KIAA1328: variants seen among roughly 807,000 people sequenced by gnomAD.
KIAA1328 encodes the protein KIAA1328.
A neutral mutation model predicts 68.1 loss-of-function variants in KIAA1328; 52 were observed. The ratio of observed to expected loss-of-function variants is 0.76; its 90% CI spans 0.61 to 0.96. KIAA1328 has a LOEUF of 0.96. KIAA1328 is among the 40% of genes least tolerant of loss of function. KIAA1328 has a pLI of 0.00. For missense variants in KIAA1328, 641 were observed against 677.6 expected (o/e 0.95, Z 0.60); for synonymous variants, 232 against 239.4 (o/e 0.97, Z 0.28).
intron 6 of KIAA1328, among the ~76,000 whole-genome samples, chr18:37,005,276 A>C (rs1198399767): frequency 6.6e-6 from 1 of 152,112 alleles, no homozygotes; most frequent in Non-Finnish European, 1.5e-5. Flanking sequence ...CAAAAAACAG[A>C]GGTGGGCAAA....
chr18:37,131,369 T>C (rs2058517192), intron 7 of KIAA1328, among the ~76,000 whole-genome samples: 1 of 152,234 alleles, frequency 6.6e-6, no homozygotes, highest in African/African-American at 2.4e-5. Context: ...GAAGTCAACC[T>C]TGTGGACCAT....
At chr18:37,162,604 C>T (rs1325746564) in intron 8 of KIAA1328, among the ~76,000 whole-genome samples, 1 of 152,144 alleles carries the variant, frequency 6.6e-6, no homozygotes, top group Non-Finnish European at 1.5e-5. Context: ...GACTTGGAAA[C>T]CCTGTTTATC....
intron 7 of KIAA1328, among the ~76,000 whole-genome samples, chr18:37,104,460 A>C (rs571629256): frequency 6.6e-6 from 1 of 152,222 alleles, no homozygotes; most frequent in East Asian, 1.9e-4. Flanking sequence ...AGCTAAAAAA[A>C]GTTGAGGTAG....
downstream of KIAA1328, among the ~76,000 whole-genome samples, chr18:37,228,532 A>G (rs964564634): frequency 3.3e-5 from 5 of 151,734 alleles, no homozygotes; most frequent in Admixed American, 2.6e-4. Context: ...AAAGATTACA[A>G]CCCCCAGCCC....
intron 9 of KIAA1328, among the ~76,000 whole-genome samples, chr18:37,206,952 A>G (rs1195390579): frequency 6.6e-6 from 1 of 152,162 alleles, no homozygotes; most frequent in African/African-American, 2.4e-5. Flanking sequence ...ATTCTTTTCC[A>G]AGCTACATTT....
chr18:37,228,290 C>T (rs1018746503), downstream of KIAA1328, among the ~76,000 whole-genome samples: 6 of 152,072 alleles, frequency 3.9e-5, no homozygotes, highest in East Asian at 1.9e-4. Flanking sequence ...AATAAAGCAG[C>T]GTCGGGGTTT....
intron 9 of KIAA1328, chr18:37,193,820 C>T (rs1286669336): frequency 1.5e-5 from 9 of 586,342 alleles, no homozygotes; most frequent in Non-Finnish European, 2.7e-5. Flanking sequence ...AGTGGGTTTC[C>T]TCACATCTCA....
intron 5 of KIAA1328, among the ~76,000 whole-genome samples, chr18:36,924,452 T>A (rs1198406742): frequency 6.6e-6 from 1 of 152,152 alleles, no homozygotes. Context: ...AGAATCTGAA[T>A]GACCCTGATT....
chr18:36,982,875 G>A (rs972857946), intron 6 of KIAA1328, among the ~76,000 whole-genome samples: 2 of 151,948 alleles, frequency 1.3e-5, no homozygotes, highest in Non-Finnish European at 2.9e-5. Flanking sequence ...GTATTTTGTT[G>A]TATGGTTTTT....
intron 8 of KIAA1328, among the ~76,000 whole-genome samples, chr18:37,163,908 T>C (rs1373423629): frequency 6.6e-6 from 1 of 152,226 alleles, no homozygotes; most frequent in Non-Finnish European, 1.5e-5. Flanking sequence ...CAGCACATAG[T>C]ATGCAAGCAT....
At chr18:36,841,668 C>G (rs191761612) in intron 3 of KIAA1328, among the ~76,000 whole-genome samples, 293 of 152,286 alleles carry the variant, frequency 1.9e-3, no homozygotes, top group African/African-American at 6.6e-3. Flanking sequence ...CAACTCAACT[C>G]TGCCACAGTA....
At chr18:37,013,506 C>G (rs778898086) in intron 6 of KIAA1328, among the ~76,000 whole-genome samples, 10 of 152,190 alleles carry the variant, frequency 6.6e-5, no homozygotes, top group Middle Eastern at 6.8e-3. Flanking sequence ...CCCCTCACTC[C>G]CCACAGTACT....
chr18:36,999,169 A>G (rs543264228), intron 6 of KIAA1328, among the ~76,000 whole-genome samples: 1 of 152,344 alleles, frequency 6.6e-6, no homozygotes, highest in East Asian at 1.9e-4. Context: ...AGACTAAATC[A>G]GGCAGAAGGA....
chr18:36,975,814 G>A (rs1023920578), intron 6 of KIAA1328, among the ~76,000 whole-genome samples: 1 of 152,004 alleles, frequency 6.6e-6, no homozygotes, highest in African/African-American at 2.4e-5. Context: ...TTTTGTTACA[G>A]AGAATCCCAG....
At chr18:37,114,228 A>G (rs527254361) in intron 7 of KIAA1328, among the ~76,000 whole-genome samples, 1 of 152,360 alleles carries the variant, frequency 6.6e-6, no homozygotes, top group East Asian at 1.9e-4. Context: ...ACCACGTCGC[A>G]CTTATTCCAA....
chr18:37,098,314 G>A (rs1483566165), intron 7 of KIAA1328, among the ~76,000 whole-genome samples: 10 of 148,326 alleles, frequency 6.7e-5, no homozygotes, highest in African/African-American at 2.0e-4. Flanking sequence ...AGGCCTTTTC[G>A]GCATCTTTTG....
chr18:36,906,541 G>A lies in KIAA1328; in HGVS notation c.448+20869G>A, dbSNP rs564200879. Among the ~76,000 whole-genome samples, 66 of 152,152 alleles carry A rather than the reference G, an allele frequency of 4.3e-4. 1 individual carries two copies. The highest frequency in any genetic ancestry group is 1.6e-3 in the African/African-American group (66 of 41,532). Reference sequence around the variant, plus strand: ...CCTAATATTTCATTTGTTTTTAAGAGTGAATAATAGTCCATTATATGGATA... The same window carrying A: ...CCTAATATTTCATTTGTTTTTAAGAATGAATAATAGTCCATTATATGGATA... On this transcript the variant is annotated intron_variant, in intron 5 of 9. Transcript: ENST00000280020.
At chr18:36,987,537 G>A (rs2052989262) in intron 6 of KIAA1328, among the ~76,000 whole-genome samples, 1 of 151,600 alleles carries the variant, frequency 6.6e-6, no homozygotes, top group Non-Finnish European at 1.5e-5. Flanking sequence ...TTTAGGCTTA[G>A]CAGACTATAT....
chr18:37,204,842 C>A (rs1380751423), intron 9 of KIAA1328, among the ~76,000 whole-genome samples: 1 of 150,868 alleles, frequency 6.6e-6, no homozygotes, highest in Non-Finnish European at 1.5e-5. Flanking sequence ...AAAAAGTATA[C>A]CCTGAATATC....
Sources: gnomAD v4.1 joint callset for allele counts (sites outside exome capture counted in the v4.1 genomes callset) on GRCh38, gnomAD v4.1.1 for gene constraint, MANE v1.5 for transcripts, NCBI Gene and HGNC (gene_info 2026-07-23, HGNC 2026-07-21) for gene names.